The following ABI2 variants were observed in gnomAD, a reference collection of about 807,000 sequenced individuals.
ABI2 encodes the protein abl interactor 2.
In ABI2, 25 loss-of-function variants were observed where a neutral mutation model predicts 59.2. The ratio of observed to expected loss-of-function variants is 0.42; its 90% confidence interval spans 0.31 to 0.59. The LOEUF (loss-of-function observed/expected upper bound fraction) is 0.59. ABI2 is among the 20% of genes least tolerant of loss of function. The pLI is 0.14. For synonymous variants in ABI2, 213 were observed against 235.5 expected (o/e 0.90, Z 0.87); for missense variants, 545 against 681.8 (o/e 0.80, Z 2.23).
intron 9 of ABI2, among the ~76,000 whole-genome samples, chr2:203,403,838 G>C (rs893244900): frequency 2.1e-5 from 3 of 145,360 alleles, no homozygotes; most frequent in Non-Finnish European, 4.5e-5. Context: ...TGCAATGCCT[G>C]CCTCCTGGGT....
At chr2:203,330,113 A>G (rs532344263) in intron 1 of ABI2, among the ~76,000 whole-genome samples, 1 of 152,092 alleles carries the variant, frequency 6.6e-6, no homozygotes, top group Non-Finnish European at 1.5e-5. Flanking sequence ...TAGGTTCATA[A>G]ATTTTGTAAT....
At chr2:203,394,291 A>G (rs1387767806) in intron 5 of ABI2, 1 of 161,516 alleles carries the variant, frequency 6.2e-6, no homozygotes, top group African/African-American at 2.4e-5. Context: ...CTGTCTTTGA[A>G]TATCTTTGGT....
intron 4 of ABI2, among the ~76,000 whole-genome samples, chr2:203,387,093 T>G (rs2096561263): frequency 1.5e-5 from 2 of 136,814 alleles, no homozygotes; most frequent in South Asian, 5.1e-4. Flanking sequence ...ATGCCTTTAC[T>G]CTTGTACCTA....
intron 2 of ABI2, among the ~76,000 whole-genome samples, chr2:203,367,620 T>C (rs2094581132): frequency 6.6e-6 from 1 of 152,146 alleles, no homozygotes; most frequent in African/African-American, 2.4e-5. Context: ...AGAGAAAAAG[T>C]AGAAAAATAA....
chr2:203,427,584 G>T lies in ABI2; in HGVS notation c.*232G>T. 1 of 409,522 alleles carries T rather than the reference G, an allele frequency of 2.4e-6. No homozygotes were observed. Among genetic ancestry groups the T allele is most frequent in the Non-Finnish European group, 4.4e-6 (1 of 227,550 alleles). 25.4% of individuals were successfully genotyped at this position (409,522 alleles called of 1,614,324 possible). A position where few individuals can be genotyped will look rare whatever the true frequency, so the allele number is the denominator to read the frequency against. The stretch of plus-strand genomic sequence containing the variant: ...TGAGCTGTCTGGATTGAAATAAAAT[G>T]ACCATTTTTATGTATGTCAAAGGTA... On this transcript the variant is annotated 3_prime_UTR_variant, in exon 12 of 12. Coordinates refer to ENST00000261018, the MANE Select transcript of ABI2 (RefSeq NM_001375670.1).
chr2:203,372,696 G>A (rs1308815361), intron 2 of ABI2, among the ~76,000 whole-genome samples: 30 of 150,322 alleles, frequency 2.0e-4, no homozygotes, highest in Non-Finnish European at 1.2e-4. Flanking sequence ...GGGCGTAGGG[G>A]CTCCTCACTT....
intron 11 of ABI2, among the ~76,000 whole-genome samples, chr2:203,424,088 T>C (rs942011608): frequency 1.3e-5 from 2 of 152,236 alleles, no homozygotes; most frequent in Admixed American, 6.5e-5. Context: ...ATGCGTGATA[T>C]ACATGCATAA....
intron 9 of ABI2, among the ~76,000 whole-genome samples, chr2:203,407,528 A>T (rs1007456798): frequency 2.6e-5 from 4 of 152,226 alleles, no homozygotes; most frequent in African/African-American, 9.6e-5. Flanking sequence ...AGCTTCATTG[A>T]TGCTTCAGAG....
At chr2:203,426,741 T>A (rs1384225944) in intron 11 of ABI2, among the ~76,000 whole-genome samples, 3 of 149,712 alleles carry the variant, frequency 2.0e-5, no homozygotes, top group Non-Finnish European at 4.4e-5. Flanking sequence ...ACTCTCATAG[T>A]GTATCTCATT....
chr2:203,335,719 CT>C (rs1559145676), intron 1 of ABI2, among the ~76,000 whole-genome samples: 1 of 151,926 alleles, frequency 6.6e-6, no homozygotes, highest in Non-Finnish European at 1.5e-5. Context: ...CTTTTTTCTT[CT>C]TAAGTAATAT....
At position 203,402,739 on chromosome 2, in the gene ABI2, GTTT is replaced by G. The variant is rs757811635; in HGVS notation, c.1192+10_1192+12del. On this transcript the variant is annotated splice_donor_region_variant and intron_variant, in intron 9 of 11. Coordinates refer to ENST00000261018, the MANE Select transcript of ABI2 (RefSeq NM_001375670.1). ...CTTTTTATAGCCAGAATCCAGGTTA[GTTT>G]TTTTGTTTTTTTGCATTCTATAGAA... The G allele has an allele frequency of 3.9e-6, 6 of 1,550,046 alleles. No individual in the cohort carries two copies. Among genetic ancestry groups the G allele is most frequent in the Non-Finnish European group, 5.2e-6 (6 of 1,156,424 alleles).
At chr2:203,332,936 T>A (rs916742991) in intron 1 of ABI2, among the ~76,000 whole-genome samples, 1 of 152,186 alleles carries the variant, frequency 6.6e-6, no homozygotes, top group Non-Finnish European at 1.5e-5. Context: ...TCCCATAATA[T>A]GGATTTATTC....
At chr2:203,413,613 T>A (rs1377598038) in intron 10 of ABI2, among the ~76,000 whole-genome samples, 1 of 152,186 alleles carries the variant, frequency 6.6e-6, no homozygotes, top group Non-Finnish European at 1.5e-5. Context: ...AAAAATTGTG[T>A]ATGAGGTGTG....
At chr2:203,421,147 T>C (rs1013704467) in intron 11 of ABI2, among the ~76,000 whole-genome samples, 1 of 152,198 alleles carries the variant, frequency 6.6e-6, no homozygotes, top group Non-Finnish European at 1.5e-5. Flanking sequence ...TATGTAACTT[T>C]TTTTGGAGAT....
intron 4 of ABI2, among the ~76,000 whole-genome samples, chr2:203,384,991 C>T (rs1209097122): frequency 4.0e-5 from 6 of 151,756 alleles, no homozygotes; most frequent in African/African-American, 7.3e-5. Flanking sequence ...CCTGCCACCA[C>T]GCCTGGCTAA....
Position 203,380,373 on chromosome 2 carries a change from C to A in ABI2, c.451C>A (p.His151Asn). 6.5e-7 allele frequency: 1 copy of A among 1,543,906 alleles called. No individual in the cohort carries two copies. The highest frequency in any genetic ancestry group is 8.7e-7 in the Non-Finnish European group (1 of 1,149,630). The change falls in exon 3 of 12, where the codon CAT becomes AAT. Residue 151 changes from histidine to asparagine, a missense_variant. Around this residue, in one of 4 missense-constraint regions of ABI2, gnomAD observed 410 missense variants for 435.6 expected, o/e 0.94. Transcript: ENST00000261018. ...CTATACAATTCTAGATGATATTGGA[C>A]ATGGAGTAAAGGTAGGTATAATTTT... is the stretch of plus-strand genomic sequence containing the variant. ...IDYTILDDIGHGVKWLLRFKV... is the reference protein window; with the variant it reads ...IDYTILDDIGNGVKWLLRFKV...
At chr2:203,330,910 A>G (rs2072823690) in intron 1 of ABI2, among the ~76,000 whole-genome samples, 1 of 152,214 alleles carries the variant, frequency 6.6e-6, no homozygotes, top group African/African-American at 2.4e-5. Context: ...AATATTTTAT[A>G]CATTTCCTTC....
Position 203,360,928 on chromosome 2 carries a change from CTA to C in ABI2, c.118-5948_118-5947del, listed in dbSNP as rs566988522. ...GCAAGGACCAAAATTAGGGTAACAA[CTA>C]ATTGTTACCCTTTCAAGGATGACGT... On this transcript the variant is annotated intron_variant, in intron 1 of 11. Transcript: ENST00000261018. Among the ~76,000 whole-genome samples, 71 of 152,274 alleles carry C rather than the reference CTA, an allele frequency of 4.7e-4. No homozygotes were observed. The East Asian group carries it at 0.011, about 23-fold the overall frequency.
chr2:203,375,587 G>A (rs2095627070), intron 2 of ABI2, among the ~76,000 whole-genome samples: 1 of 152,160 alleles, frequency 6.6e-6, no homozygotes, highest in African/African-American at 2.4e-5. Flanking sequence ...ATTTGATGTA[G>A]GAAAAATATA....
Sources: gnomAD v4.1 joint callset for allele counts (sites outside exome capture counted in the v4.1 genomes callset) on GRCh38, gnomAD v4.1.1 for gene constraint, gnomAD v4.1.1 regional missense constraint, MANE v1.5 for transcripts, NCBI Gene and HGNC (gene_info 2026-07-23, HGNC 2026-07-21) for gene names.